The following CHD9 variants were observed in gnomAD, a reference collection of about 807,000 sequenced individuals.
The protein encoded by CHD9 is ATP-dependent chromatin remodeler CHD9.
CHD9 carries 77 observed loss-of-function variants against 316.1 expected under a neutral mutation model. The observed-to-expected ratio is 0.24, with a 90% CI of 0.20 to 0.29. The LOEUF is 0.29. Ranked by LOEUF, CHD9 falls within the 10% of genes least tolerant of loss-of-function variation. The pLI, the probability that CHD9 is intolerant of heterozygous loss-of-function variation, is 1.00. For missense variants in CHD9, 2,763 were observed against 3,438.1 expected (o/e 0.80, Z 4.91); for synonymous variants, 1,129 against 1,158.3 (o/e 0.97, Z 0.51).
At chr16:53,204,162 A>C (rs1597417306) in intron 2 of CHD9, among the ~76,000 whole-genome samples, 2 of 146,938 alleles carry the variant, frequency 1.4e-5, no homozygotes, top group African/African-American at 2.5e-5. Context: ...AACCTTCACC[A>C]CCCCAGCCTG....
chr16:53,116,006 T>C (rs1323466031), intron 1 of CHD9, among the ~76,000 whole-genome samples: 1 of 152,198 alleles, frequency 6.6e-6, no homozygotes, highest in East Asian at 1.9e-4. Flanking sequence ...TGCTTTCAGT[T>C]ATCTAGAAAG....
intron 11 of CHD9, 51 bp from the exon 12 acceptor site, chr16:53,238,292 T>A: frequency 6.9e-7 from 1 of 1,444,752 alleles, no homozygotes; most frequent in Non-Finnish European, 9.4e-7. Flanking sequence ...ATCTTTAAAG[T>A]ATAGAAAAAA....
At chr16:53,083,179 A>G (rs1197941555) in intron 1 of CHD9, among the ~76,000 whole-genome samples, 1 of 152,204 alleles carries the variant, frequency 6.6e-6, no homozygotes, top group Non-Finnish European at 1.5e-5. Context: ...GAGAAACAAC[A>G]CTTCCACCAA....
intron 1 of CHD9, among the ~76,000 whole-genome samples, chr16:53,114,681 G>A (rs1403102924): frequency 2.0e-5 from 3 of 152,158 alleles, no homozygotes; most frequent in East Asian, 1.9e-4. Context: ...TCCGCCTCGC[G>A]GGTTCACGCC....
intron 30 of CHD9, chr16:53,299,843 T>C (rs2055185063): frequency 6.4e-6 from 1 of 155,578 alleles, no homozygotes; most frequent in African/African-American, 2.4e-5. Context: ...AGCACACAAA[T>C]AGTAAGTAAC....
rs1273591765 is a variant in CHD9, at chr16:53,314,876, A to G, written c.7416A>G (p.Leu2472=). Residue 2472 remains leucine, a synonymous_variant, in exon 36 of 39, where the codon CTA becomes CTG. Transcript: ENST00000447540. ...TTTCCACAGGGATAAATCCAGCACTATCCTATACTCAACCTCAAGGAATTC... is the reference window on the plus strand; with the variant it reads ...TTTCCACAGGGATAAATCCAGCACTGTCCTATACTCAACCTCAAGGAATTC... The part of the protein sequence containing the change: ...SQISTGINPA[L]SYTQPQGIPD... 6.2e-7 allele frequency: 1 copy of G among 1,613,856 alleles called. No homozygotes were observed. The highest frequency in any genetic ancestry group is 8.5e-7 in the Non-Finnish European group (1 of 1,179,818).
chr16:53,267,887 C>T, intron 21 of CHD9, 40 bp from the exon 22 acceptor site: 2 of 1,541,438 alleles, frequency 1.3e-6, no homozygotes, highest in Non-Finnish European at 1.8e-6. Flanking sequence ...TTCTCTAGAA[C>T]TTGACTCAAT....
rs1427179950 is a variant in CHD9, at chr16:53,304,678, CTTTTCTTTTCTTTTCTT to C, written c.6619+58_6619+74del. On this transcript the variant is annotated intron_variant, in intron 31 of 38. Coordinates refer to ENST00000447540, the MANE Select transcript of CHD9 (RefSeq NM_001308319.2). Reference sequence around the variant, plus strand: ...TTTAACATAACTTTTCTTTTCTTTTCTTTTCTTTTCTTTTCTTTTTTTTTTTTTTTTTTGAGATGGAG... The same window carrying C: ...TTTAACATAACTTTTCTTTTCTTTTCTTTTTTTTTTTTTTTTGAGATGGAG... 66 of 1,152,328 alleles carry C rather than the reference CTTTTCTTTTCTTTTCTT, an allele frequency of 5.7e-5. No homozygotes were observed. The South Asian group carries it at 1.1e-3, about 19-fold the overall frequency. The allele number at this position is 1,152,328 out of a possible 1,614,324, so 71.4% of individuals were successfully genotyped here. A position where few individuals can be genotyped will look rare whatever the true frequency, so the allele number is the denominator to read the frequency against.
At chr16:53,071,559 C>T (rs1239071701) in intron 1 of CHD9, among the ~76,000 whole-genome samples, 4 of 152,196 alleles carry the variant, frequency 2.6e-5, no homozygotes, top group Non-Finnish European at 5.9e-5. Context: ...CTTGTCATCA[C>T]TATAGGCATA....
chr16:53,245,752 C>G lies in CHD9; in HGVS notation c.3356C>G (p.Ser1119Cys), dbSNP rs777705216. The change falls in exon 15 of 39, where the codon TCT becomes TGT. Residue 1119 changes from serine to cysteine, a missense_variant. Transcript: ENST00000447540. This position sits in a 1 kb window ranked among gnomAD's most constrained non-coding sequence, Gnocchi z 4.1. Reference protein sequence around the residue: ...YYRAILEKNFSFLSKGAGQTN... With the variant: ...YYRAILEKNFCFLSKGAGQTN... ...CGGGCTATCTTGGAAAAGAACTTTT[C>G]TTTTTTATCCAAAGGAGCAGGACAA... 3 of 1,611,050 alleles carry G rather than the reference C, an allele frequency of 1.9e-6. No homozygotes were observed. Among genetic ancestry groups the G allele is most frequent in the African/African-American group, 1.3e-5 (1 of 74,756 alleles).
chr16:53,253,406 G>A (rs1433700684), intron 17 of CHD9, among the ~76,000 whole-genome samples: 3 of 152,088 alleles, frequency 2.0e-5, no homozygotes, highest in African/African-American at 2.4e-5. Flanking sequence ...GGACACAAAG[G>A]CATAAGAATG....
At chr16:53,113,557 C>T (rs56368640) in intron 1 of CHD9, among the ~76,000 whole-genome samples, 41,316 of 151,592 alleles carry the variant, frequency 0.27, 7,041 homozygotes, top group Non-Finnish European at 0.38. Flanking sequence ...ATGATGCACC[C>T]GCCTCAGCCC....
At chr16:53,304,711 T>G (rs2055781785) in intron 31 of CHD9, 86 bp downstream of exon 31, 2 of 1,064,998 alleles carry the variant, frequency 1.9e-6, no homozygotes, top group East Asian at 2.7e-5. Flanking sequence ...TTTTTTTTTT[T>G]GAGATGGAGT....
intron 19 of CHD9, among the ~76,000 whole-genome samples, chr16:53,256,598 C>T (rs11644773): frequency 0.052 from 7,763 of 150,250 alleles, 337 homozygotes; most frequent in East Asian, 0.2. Context: ...GCTGAGATTA[C>T]AGGCATGAGC....
intron 1 of CHD9, among the ~76,000 whole-genome samples, chr16:53,140,730 G>A (rs545616872): frequency 2.0e-5 from 3 of 152,282 alleles, no homozygotes; most frequent in African/African-American, 7.2e-5. Flanking sequence ...TGGGACCACA[G>A]GCACATGCCA....
chr16:53,221,871 ATT>A (rs2047266539), intron 3 of CHD9, among the ~76,000 whole-genome samples: 1 of 152,118 alleles, frequency 6.6e-6, no homozygotes, highest in African/African-American at 2.4e-5. Flanking sequence ...GAATAGGGGG[ATT>A]CAAGGAATCA....
At chr16:53,098,637 C>G (rs1350432684) in intron 1 of CHD9, among the ~76,000 whole-genome samples, 1 of 152,086 alleles carries the variant, frequency 6.6e-6, no homozygotes, top group African/African-American at 2.4e-5. Context: ...AGCAGGCCAC[C>G]TCAAGTGTGA....
intron 1 of CHD9, among the ~76,000 whole-genome samples, chr16:53,132,075 C>T (rs546439555): frequency 3.3e-5 from 5 of 150,886 alleles, no homozygotes; most frequent in Non-Finnish European, 4.4e-5. Context: ...TCTGTTTGTT[C>T]TTATTTTTAT....
At chr16:53,235,115 C>G in intron 10 of CHD9, 70 bp from the exon 11 acceptor site, 1 of 1,304,632 alleles carries the variant, frequency 7.7e-7, no homozygotes, top group Non-Finnish European at 1.1e-6. Flanking sequence ...ATTTTTAAAC[C>G]AATGCTTTTT....
Sources: gnomAD v4.1 joint callset for allele counts (sites outside exome capture counted in the v4.1 genomes callset) on GRCh38, gnomAD v4.1.1 for gene constraint, Gnocchi (gnomAD v3.1) non-coding constraint, MANE v1.5 for transcripts, NCBI Gene and HGNC (gene_info 2026-07-23, HGNC 2026-07-21) for gene names.